The following ST3GAL3 variants were observed in gnomAD, a reference collection of about 807,000 sequenced individuals.
ST3GAL3 encodes the protein ST3 beta-galactoside alpha-2,3-sialyltransferase 3, also known as CMP-N-acetylneuraminate-beta-1,4-galactoside alpha-2,3-sialyltransferase.
ST3GAL3 carries 21 observed loss-of-function variants against 50.1 expected under a neutral mutation model. The ratio of observed to expected loss-of-function variants is 0.42; its 90% CI spans 0.30 to 0.60. The LOEUF (loss-of-function observed/expected upper bound fraction) is 0.60. Ranked by LOEUF, ST3GAL3 falls within the 20% of genes least tolerant of loss-of-function variation. The probability of loss-of-function intolerance (pLI) is 0.19; values close to 1 mark genes in which losing one functional copy is unlikely to be tolerated. For missense variants in ST3GAL3, 353 were observed against 489.4 expected (o/e 0.72, Z 2.63); for synonymous variants, 183 against 190.0 (o/e 0.96, Z 0.30).
chr1:43,741,484 T>TG (rs1680903463), intron 2 of ST3GAL3, among the ~76,000 whole-genome samples: 1 of 152,258 alleles, frequency 6.6e-6, no homozygotes, highest in African/African-American at 2.4e-5. Flanking sequence ...GTTGATCTGA[T>TG]TGCCCTGGAG....
At chr1:43,882,127 G>A in intron 5 of ST3GAL3, among the ~76,000 whole-genome samples, 1 of 152,218 alleles carries the variant, frequency 6.6e-6, no homozygotes, top group East Asian at 1.9e-4. Flanking sequence ...CCAGAGGAGG[G>A]TTTGGTCAGC....
At chr1:43,759,044 A>G (rs898300841) in intron 2 of ST3GAL3, among the ~76,000 whole-genome samples, 16 of 144,110 alleles carry the variant, frequency 1.1e-4, no homozygotes, top group Non-Finnish European at 2.2e-4. Context: ...ACTGTCTCCT[A>G]AAAAACAAAC....
At position 43,899,085 on chromosome 1, in the gene ST3GAL3, C is replaced by T. The variant is rs1570952756; in HGVS notation, c.462-83C>T. ...ATCCCAGCCTGGTCCTGGACAAGGGCGTGGGGTCAAGGGCCAAAGGAGCAG... is the reference window on the plus strand; with the variant it reads ...ATCCCAGCCTGGTCCTGGACAAGGGTGTGGGGTCAAGGGCCAAAGGAGCAG... On this transcript the variant is annotated intron_variant, in intron 7 of 11. Coordinates refer to ENST00000347631, the MANE Select transcript of ST3GAL3 (RefSeq NM_006279.5). The surrounding 1 kb of genome is among the most constrained non-coding windows in gnomAD (Gnocchi z 5.4). 11 of 1,590,340 alleles carry T rather than the reference C, an allele frequency of 6.9e-6. No individual in the cohort carries two copies. Among genetic ancestry groups the T allele is most frequent in the East Asian group, 6.8e-5 (3 of 44,392 alleles).
At chr1:43,772,512 AT>A in intron 2 of ST3GAL3, 2 of 152,200 alleles carry the variant, frequency 1.3e-5, no homozygotes, top group Non-Finnish European at 2.9e-5. Context: ...TATTGCAGTG[AT>A]TTTTTTTGGT....
intron 9 of ST3GAL3, among the ~76,000 whole-genome samples, chr1:43,907,522 C>G (rs1342660125): frequency 6.6e-6 from 1 of 152,202 alleles, no homozygotes; most frequent in Non-Finnish European, 1.5e-5. Context: ...TACCTCCATC[C>G]TATTCCAAAG....
intron 2 of ST3GAL3, among the ~76,000 whole-genome samples, chr1:43,763,207 C>T (rs1241015744): frequency 6.6e-6 from 1 of 152,010 alleles, no homozygotes; most frequent in Non-Finnish European, 1.5e-5. Context: ...GTACTCTGCA[C>T]CTGAAGATGA....
intron 1 of ST3GAL3, among the ~76,000 whole-genome samples, chr1:43,726,348 A>G (rs929117215): frequency 6.6e-6 from 1 of 152,184 alleles, no homozygotes; most frequent in Non-Finnish European, 1.5e-5. Context: ...GTGCGGTGGC[A>G]TGATCTTAGC....
chr1:43,897,030 G>T (rs2077482055), intron 6 of ST3GAL3, among the ~76,000 whole-genome samples: 1 of 88,322 alleles, frequency 1.1e-5, no homozygotes, highest in African/African-American at 3.5e-5. Context: ...ACAGCTGTAG[G>T]TCATTGATTT....
intron 5 of ST3GAL3, among the ~76,000 whole-genome samples, chr1:43,881,852 G>T (rs760941698): frequency 5.3e-5 from 8 of 152,230 alleles, no homozygotes; most frequent in Admixed American, 2.6e-4. Flanking sequence ...GGAACAGGGA[G>T]ATCAAAGTGT....
chr1:43,793,014 C>T (rs747882604), intron 3 of ST3GAL3, among the ~76,000 whole-genome samples: 1 of 152,050 alleles, frequency 6.6e-6, no homozygotes, highest in Non-Finnish European at 1.5e-5. Context: ...TTCATTTTGC[C>T]GTCCTTAGAT....
At chr1:43,892,516 T>C (rs1162300806) in intron 5 of ST3GAL3, among the ~76,000 whole-genome samples, 1 of 152,194 alleles carries the variant, frequency 6.6e-6, no homozygotes, top group Non-Finnish European at 1.5e-5. Context: ...TGTACAGTTA[T>C]GGGTATTTTT....
chr1:43,751,202 A>G (rs1235872360), intron 2 of ST3GAL3, among the ~76,000 whole-genome samples: 1 of 152,200 alleles, frequency 6.6e-6, no homozygotes, highest in Non-Finnish European at 1.5e-5. Context: ...TTGTTATTTT[A>G]TTTTTCCATA....
intron 2 of ST3GAL3, among the ~76,000 whole-genome samples, chr1:43,788,257 TA>T (rs1319019481): frequency 6.6e-6 from 1 of 152,208 alleles, no homozygotes; most frequent in Non-Finnish European, 1.5e-5. Context: ...TTGAAAAGTT[TA>T]AAAGAGACTT....
At chr1:43,895,763 C>A (rs1003393074) in intron 6 of ST3GAL3, among the ~76,000 whole-genome samples, 1 of 152,162 alleles carries the variant, frequency 6.6e-6, no homozygotes, top group Non-Finnish European at 1.5e-5. Flanking sequence ...ATATGAAGAA[C>A]CCCTTTTCCC....
chr1:43,724,269 G>A (rs561509408), intron 1 of ST3GAL3, among the ~76,000 whole-genome samples: 1 of 151,770 alleles, frequency 6.6e-6, no homozygotes, highest in African/African-American at 2.4e-5. Flanking sequence ...GGATTGCAGT[G>A]GTGCAATCTC....
Position 43,905,120 on chromosome 1 carries a change from A to G in ST3GAL3, c.744+5393A>G, listed in dbSNP as rs547803088. On this transcript the variant is annotated intron_variant, in intron 9 of 11. Coordinates refer to ENST00000347631, the MANE Select transcript of ST3GAL3 (RefSeq NM_006279.5). ...TCCTACCCTTCATCCTCTTCCTGCC[A>G]CTCTTCCTCCTCCTCCTCCTGCTCC... Among the ~76,000 whole-genome samples the G allele has an allele frequency of 6.9e-3, 352 of 51,140 alleles. 7 individuals carry two copies. The highest frequency in any genetic ancestry group is 0.018 in the South Asian group (25 of 1,352). The allele number at this position is 51,140 out of a possible 152,430, so 33.5% of individuals were successfully genotyped here.
intron 5 of ST3GAL3, among the ~76,000 whole-genome samples, chr1:43,880,744 C>T (rs2074975009): frequency 6.6e-6 from 1 of 152,146 alleles, no homozygotes; most frequent in Non-Finnish European, 1.5e-5. Flanking sequence ...ATAGTGTGTT[C>T]CCTAAGGGGC....
At chr1:43,767,156 C>T (rs566825490) in intron 2 of ST3GAL3, among the ~76,000 whole-genome samples, 29 of 152,158 alleles carry the variant, frequency 1.9e-4, no homozygotes, top group Non-Finnish European at 4.3e-4. Context: ...CACTTCACCA[C>T]TTGAGGAGTT....
At chr1:43,740,563 A>T (rs1162378337) in intron 2 of ST3GAL3, among the ~76,000 whole-genome samples, 1 of 151,498 alleles carries the variant, frequency 6.6e-6, no homozygotes, top group East Asian at 1.9e-4. Flanking sequence ...AGGAGGGAGG[A>T]TTTCTTGAGG....
Sources: gnomAD v4.1 joint callset for allele counts (sites outside exome capture counted in the v4.1 genomes callset) on GRCh38, gnomAD v4.1.1 for gene constraint, Gnocchi (gnomAD v3.1) non-coding constraint, MANE v1.5 for transcripts, NCBI Gene and HGNC (gene_info 2026-07-23, HGNC 2026-07-21) for gene names.